DLGAP2: variants seen among roughly 807,000 people sequenced by gnomAD.
DLGAP2 encodes DLG associated protein 2.
In DLGAP2, 26 loss-of-function variants were observed where a neutral mutation model predicts 100.3. The observed-to-expected ratio is 0.26, with a 90% CI of 0.19 to 0.36. The LOEUF (loss-of-function observed/expected upper bound fraction) is 0.36, where lower values mean the gene tolerates loss of function less well. DLGAP2 is among the 10% of genes least tolerant of loss of function. The pLI is 1.00. For synonymous variants in DLGAP2, 886 were observed against 630.1 expected (o/e 1.41, Z -6.08); for missense variants, 1,858 against 1,453.2 (o/e 1.28, Z -4.53).
intron 1 of DLGAP2, among the ~76,000 whole-genome samples, chr8:764,312 G>C (rs1387788624): frequency 6.6e-6 from 1 of 152,158 alleles, no homozygotes; most frequent in Non-Finnish European, 1.5e-5. Context: ...TAGAGAAATT[G>C]CTTCTATCAC....
At chr8:1,306,351 A>C (rs182479297) in intron 3 of DLGAP2, among the ~76,000 whole-genome samples, 2 of 152,262 alleles carry the variant, frequency 1.3e-5, no homozygotes, top group East Asian at 3.9e-4. Context: ...GTGTCAAAAA[A>C]ACCCAAAATT....
chr8:783,197 T>C (rs1485169658), intron 1 of DLGAP2, among the ~76,000 whole-genome samples: 7 of 152,374 alleles, frequency 4.6e-5, no homozygotes, highest in South Asian at 4.1e-4. Flanking sequence ...TGTGTCTTTT[T>C]TGCGCTGCTT....
chr8:1,075,113 G>C (rs1803564509), intron 2 of DLGAP2, among the ~76,000 whole-genome samples: 1 of 152,208 alleles, frequency 6.6e-6, no homozygotes, highest in African/African-American at 2.4e-5. Flanking sequence ...GAGCCCTCTG[G>C]CGATGTCCTC....
chr8:1,322,656 CA>C (rs1800932543), intron 3 of DLGAP2, among the ~76,000 whole-genome samples: 1 of 152,220 alleles, frequency 6.6e-6, no homozygotes, highest in African/African-American at 2.4e-5. Flanking sequence ...CATGGAAATG[CA>C]TGCACCCACC....
At chr8:873,819 G>C (rs796868729) in intron 1 of DLGAP2, among the ~76,000 whole-genome samples, 16 of 152,228 alleles carry the variant, frequency 1.1e-4, no homozygotes, top group African/African-American at 3.9e-4. Flanking sequence ...TTTTGATTTG[G>C]CAGAATTCAG....
At chr8:844,680 A>AT (rs1797042064) in intron 1 of DLGAP2, among the ~76,000 whole-genome samples, 1 of 152,226 alleles carries the variant, frequency 6.6e-6, no homozygotes, top group Admixed American at 6.5e-5. Context: ...TCAACCTCAT[A>AT]TACATGAAAC....
chr8:762,738 C>T (rs1273226125), intron 1 of DLGAP2, among the ~76,000 whole-genome samples: 1 of 151,918 alleles, frequency 6.6e-6, no homozygotes, highest in African/African-American at 2.4e-5. Flanking sequence ...GGCACAGTCA[C>T]CACAATCACA....
intron 2 of DLGAP2, among the ~76,000 whole-genome samples, chr8:1,242,138 A>G (rs1455354224): frequency 6.6e-6 from 1 of 152,250 alleles, no homozygotes; most frequent in Non-Finnish European, 1.5e-5. Context: ...CCCATAGCTT[A>G]TATAAACAAC....
At chr8:870,598 A>G (rs968341801) in intron 1 of DLGAP2, among the ~76,000 whole-genome samples, 2 of 151,842 alleles carry the variant, frequency 1.3e-5, no homozygotes, top group African/African-American at 2.4e-5. Flanking sequence ...TGGACTCCTC[A>G]GGCACAACAC....
intron 2 of DLGAP2, among the ~76,000 whole-genome samples, chr8:1,066,067 C>T (rs1249141543): frequency 2.0e-5 from 3 of 152,126 alleles, no homozygotes; most frequent in African/African-American, 7.2e-5. Context: ...CAGGTCTGAG[C>T]GAGGACAGTT....
rs1006426821 is a variant in DLGAP2, at chr8:1,708,132, C to A, written c.*6726C>A. ...GTAAGAAACTGTGCACCGTTTCCGC[C>A]ATAACCGTCCTGTGACGATGCCTCC... On this transcript the variant is annotated 3_prime_UTR_variant, in exon 15 of 15. Transcript: ENST00000637795. 1 of 152,192 alleles carries A rather than the reference C, an allele frequency of 6.6e-6. No homozygotes were observed. Among genetic ancestry groups the A allele is most frequent in the Non-Finnish European group, 1.5e-5 (1 of 68,040 alleles). The allele number at this position is 152,192 out of a possible 1,614,324, so 9.4% of individuals were successfully genotyped here.
At chr8:1,383,124 G>A (rs7386859) in intron 3 of DLGAP2, among the ~76,000 whole-genome samples, 37,218 of 152,156 alleles carry the variant, frequency 0.24, 5,191 homozygotes, top group East Asian at 0.53. Flanking sequence ...TGACATTGCA[G>A]GGATCATCCC....
At chr8:1,243,594 C>T (rs1400770587) in intron 2 of DLGAP2, among the ~76,000 whole-genome samples, 2 of 152,048 alleles carry the variant, frequency 1.3e-5, no homozygotes, top group East Asian at 3.9e-4. Flanking sequence ...TTCTGGTTTC[C>T]TCACATTAAT....
At chr8:1,520,638 T>C (rs1276239676) in intron 4 of DLGAP2, among the ~76,000 whole-genome samples, 1 of 152,166 alleles carries the variant, frequency 6.6e-6, no homozygotes, top group Admixed American at 6.5e-5. Flanking sequence ...TCGCTACCTT[T>C]GTAGTTCTGC....
chr8:1,693,717 A>T (rs1243090883), intron 13 of DLGAP2, among the ~76,000 whole-genome samples: 2 of 152,046 alleles, frequency 1.3e-5, no homozygotes, highest in Non-Finnish European at 2.9e-5. Flanking sequence ...TTTCCAATCA[A>T]CCCCACTGAA....
chr8:1,706,855 T>C lies in DLGAP2; in HGVS notation c.*5449T>C, dbSNP rs10108773. ...CTCTAATTCCAGGCGTTTGTAATTT[T>C]TCTACTTCGCACTTGAGAGAAGGCA... On this transcript the variant is annotated 3_prime_UTR_variant, in exon 15 of 15. Transcript: ENST00000637795. 151,749 of 152,320 alleles carry C rather than the reference T, an allele frequency of 1. 75,592 individuals are homozygous for C. Among genetic ancestry groups the C allele is most frequent in the East Asian group, 1 (5,178 of 5,178 alleles). 9.4% of individuals were successfully genotyped at this position (152,320 alleles called of 1,614,324 possible).
At chr8:1,346,926 C>T (rs113059571) in intron 3 of DLGAP2, among the ~76,000 whole-genome samples, 5 of 131,570 alleles carry the variant, frequency 3.8e-5, no homozygotes, top group Non-Finnish European at 6.4e-5. Flanking sequence ...TTCCCATACA[C>T]GTCTGCATTG....
intron 2 of DLGAP2, among the ~76,000 whole-genome samples, chr8:1,192,585 C>G (rs58317128): frequency 0.026 from 3,947 of 151,650 alleles, 199 homozygotes; most frequent in African/African-American, 0.092. Flanking sequence ...TCCCTCTCCA[C>G]TCCCACGAGT....
intron 1 of DLGAP2, among the ~76,000 whole-genome samples, chr8:803,677 C>T (rs1207513443): frequency 6.6e-6 from 1 of 152,152 alleles, no homozygotes; most frequent in African/African-American, 2.4e-5. Flanking sequence ...CTGCCTCAAT[C>T]CACTGGCCTT....
Sources: allele counts gnomAD v4.1 joint callset (sites outside exome capture counted in the v4.1 genomes callset), GRCh38; gene constraint gnomAD v4.1.1; transcripts MANE v1.5; gene names NCBI Gene and HGNC (gene_info 2026-07-23, HGNC 2026-07-21).